The following MYO10 variants were observed in gnomAD, a reference collection of about 807,000 sequenced individuals.
The protein encoded by MYO10 is unconventional myosin-X.
A neutral mutation model predicts 257.3 loss-of-function variants in MYO10; 133 were observed. The ratio of observed to expected loss-of-function variants is 0.52; its 90% CI spans 0.45 to 0.60. The LOEUF is 0.60. MYO10 is among the 20% of genes least tolerant of loss of function. The probability of loss-of-function intolerance (pLI) is 0.00; values close to 1 mark genes in which losing one functional copy is unlikely to be tolerated. For synonymous variants in MYO10, 1,104 were observed against 1,028.6 expected (o/e 1.07, Z -1.40); for missense variants, 2,399 against 2,635.7 (o/e 0.91, Z 1.97).
intron 19 of MYO10, chr5:16,738,124 A>T: frequency 1.0e-6 from 1 of 985,002 alleles, no homozygotes; most frequent in African/African-American, 1.7e-5. Context: ...TACACAGGGG[A>T]GAGGTACTCA....
chr5:16,673,116 G>A (rs527685597), intron 36 of MYO10, among the ~76,000 whole-genome samples: 337 of 152,168 alleles, frequency 2.2e-3, no homozygotes, highest in African/African-American at 7.8e-3. Flanking sequence ...CAGGAAAAGC[G>A]GGTGAAAAGC....
At chr5:16,671,863 T>G (rs1480434796) in intron 37 of MYO10, among the ~76,000 whole-genome samples, 1 of 152,228 alleles carries the variant, frequency 6.6e-6, no homozygotes, top group Non-Finnish European at 1.5e-5. Flanking sequence ...TGTTTCTTTA[T>G]TACCTTTACC....
intron 1 of MYO10, chr5:16,902,709 T>A: frequency 1.2e-6 from 1 of 821,492 alleles, no homozygotes; most frequent in Non-Finnish European, 2.1e-6. Context: ...GGGGTTTCAG[T>A]CAAGCTTGTC....
At chr5:16,698,382 G>A (rs375656092) in intron 26 of MYO10, among the ~76,000 whole-genome samples, 1 of 152,068 alleles carries the variant, frequency 6.6e-6, no homozygotes, top group East Asian at 1.9e-4. Context: ...TAAATAAATA[G>A]ATAAATAAAT....
At chr5:16,767,167 CTT>C (rs35242676) in intron 10 of MYO10, among the ~76,000 whole-genome samples, 3,564 of 105,280 alleles carry the variant, frequency 0.034, 155 homozygotes, top group African/African-American at 0.12. Context: ...ACCCAACTGT[CTT>C]TTTTTTTTTT....
intron 32 of MYO10, 107 bp downstream of exon 32, chr5:16,681,202 T>G: frequency 3.3e-6 from 4 of 1,219,176 alleles, no homozygotes; most frequent in Non-Finnish European, 3.4e-6. Flanking sequence ...GACAACTTCT[T>G]TGGGGGGAAA....
intron 18 of MYO10, among the ~76,000 whole-genome samples, chr5:16,756,199 A>C (rs1213631926): frequency 6.6e-6 from 1 of 152,084 alleles, no homozygotes; most frequent in Non-Finnish European, 1.5e-5. Context: ...CAGCCTCCTG[A>C]GTAGCTGGGA....
chr5:16,700,321 A>C (rs914430453), intron 25 of MYO10, among the ~76,000 whole-genome samples: 2 of 152,206 alleles, frequency 1.3e-5, no homozygotes, highest in African/African-American at 4.8e-5. Context: ...TAAAAGTTCC[A>C]TTCAAATTGT....
At chr5:16,895,454 T>A (rs1745190260) in intron 1 of MYO10, among the ~76,000 whole-genome samples, 1 of 152,166 alleles carries the variant, frequency 6.6e-6, no homozygotes. Flanking sequence ...TAGTTCCTAC[T>A]GGCTCCTCAT....
At chr5:16,887,980 A>C (rs1744939998) in intron 1 of MYO10, among the ~76,000 whole-genome samples, 1 of 152,216 alleles carries the variant, frequency 6.6e-6, no homozygotes, top group South Asian at 2.1e-4. Flanking sequence ...CGATACAACA[A>C]ATAAAAGTCA....
chr5:16,800,616 T>C (rs1356934941), intron 3 of MYO10, among the ~76,000 whole-genome samples: 1 of 152,164 alleles, frequency 6.6e-6, no homozygotes, highest in East Asian at 1.9e-4. Flanking sequence ...CCACAGCAAG[T>C]GAGGAAGACT....
intron 4 of MYO10, among the ~76,000 whole-genome samples, chr5:16,792,618 G>A (rs1579996051): frequency 1.3e-5 from 2 of 152,210 alleles, no homozygotes; most frequent in Non-Finnish European, 2.9e-5. Flanking sequence ...GCTCTGGGGT[G>A]AAAGGAGAAA....
At chr5:16,864,148 A>ATT (rs34764765) in intron 2 of MYO10, among the ~76,000 whole-genome samples, 107 of 134,482 alleles carry the variant, frequency 8.0e-4, no homozygotes, top group African/African-American at 2.7e-3. Context: ...CTATGTGGCT[A>ATT]TTTTTTTTTT....
At chr5:16,767,466 G>A (rs918490044) in intron 10 of MYO10, among the ~76,000 whole-genome samples, 1 of 151,850 alleles carries the variant, frequency 6.6e-6, no homozygotes, top group Admixed American at 6.6e-5. Flanking sequence ...AAGCCACTGC[G>A]CCCAGCCCCC....
chr5:16,682,586 A>G (rs1037532791), intron 30 of MYO10, among the ~76,000 whole-genome samples: 2 of 152,198 alleles, frequency 1.3e-5, no homozygotes, highest in African/African-American at 4.8e-5. Flanking sequence ...TTGTCTGGAA[A>G]TGCCCTGAAC....
chr5:16,819,623 T>C (rs1365122516), intron 2 of MYO10, among the ~76,000 whole-genome samples: 1 of 152,224 alleles, frequency 6.6e-6, no homozygotes, highest in Non-Finnish European at 1.5e-5. Flanking sequence ...CAAACTGGCA[T>C]GTGCATGTGT....
intron 21 of MYO10, among the ~76,000 whole-genome samples, chr5:16,705,966 G>A (rs1738312369): frequency 6.6e-6 from 1 of 152,164 alleles, no homozygotes; most frequent in Non-Finnish European, 1.5e-5. Flanking sequence ...TGGATCACCT[G>A]AGGTCAGGAG....
chr5:16,734,473 GAGAGCCACACAGTGAACACC>G (rs1393449599), intron 19 of MYO10, among the ~76,000 whole-genome samples: 1 of 151,928 alleles, frequency 6.6e-6, no homozygotes, highest in African/African-American at 2.4e-5. Context: ...TTTTTGCTGG[GAGAGCCACACAGTGAACACC>G]AGAGTTCTCT....
At chr5:16,823,467 G>GGTTTTTTTTTTTTTTTTTT (rs1561003861) in intron 2 of MYO10, among the ~76,000 whole-genome samples, 1 of 3,980 alleles carries the variant, frequency 2.5e-4, no homozygotes, top group African/African-American at 9.7e-4. Flanking sequence ...GGGGAGTGGG[G>GGTTTTTTTTTTTTTTTTTT]ATTTTTTTTT....
Sources: gnomAD v4.1 joint callset for allele counts (sites outside exome capture counted in the v4.1 genomes callset) on GRCh38, gnomAD v4.1.1 for gene constraint, MANE v1.5 for transcripts, NCBI Gene and HGNC (gene_info 2026-07-23, HGNC 2026-07-21) for gene names.